Variants in NAV2 observed in about 807,000 individuals in gnomAD.
NAV2 encodes neuron navigator 2.
A neutral mutation model predicts 223.2 loss-of-function variants in NAV2; 54 were observed. That is an observed-to-expected ratio of 0.24 (90% CI 0.19 to 0.30). The LOEUF is 0.30. Ranked by LOEUF, NAV2 falls within the 10% of genes least tolerant of loss-of-function variation. The pLI, the probability that NAV2 is intolerant of heterozygous loss-of-function variation, is 1.00. For synonymous variants in NAV2, 1,279 were observed against 1,239.3 expected, an observed-to-expected ratio of 1.03 and a Z score of -0.67; for missense variants, 2,806 against 3,147.5, an observed-to-expected ratio of 0.89 and a Z score of 2.60.
At chr11:20,095,643 T>G (rs768265228) in intron 29 of NAV2, 29 bp from the exon 30 acceptor site, 10 of 1,522,100 alleles carry the variant, frequency 6.6e-6, no homozygotes, top group Non-Finnish European at 9.1e-6. Flanking sequence ...CCACCTGTTT[T>G]TCACCTGTGT....
chr11:20,106,474 C>T (rs763803080), intron 35 of NAV2, among the ~76,000 whole-genome samples: 9 of 138,370 alleles, frequency 6.5e-5, no homozygotes, highest in African/African-American at 1.1e-4. Context: ...GCAGGAGAAT[C>T]GCTTGAACCC....
chr11:19,651,847 A>G (rs962442726), intron 1 of NAV2, among the ~76,000 whole-genome samples: 2 of 152,236 alleles, frequency 1.3e-5, no homozygotes, highest in African/African-American at 4.8e-5. Flanking sequence ...CATAGCAAAG[A>G]CAGGGCAGAT....
intron 3 of NAV2, among the ~76,000 whole-genome samples, chr11:19,850,465 G>A (rs1353046634): frequency 6.6e-6 from 1 of 152,120 alleles, no homozygotes; most frequent in Non-Finnish European, 1.5e-5. Context: ...GGAGGGAGCT[G>A]GCCTGAATGT....
intron 1 of NAV2, among the ~76,000 whole-genome samples, chr11:19,831,492 C>T (rs2059940648): frequency 6.6e-6 from 1 of 152,002 alleles, no homozygotes; most frequent in Admixed American, 6.6e-5. Flanking sequence ...TCATTTGTTC[C>T]TATCCATTTG....
intron 5 of NAV2, chr11:19,884,412 G>C: frequency 6.8e-7 from 1 of 1,479,786 alleles, no homozygotes; most frequent in Non-Finnish European, 9.4e-7. Flanking sequence ...CCAACCCACT[G>C]TTCCATTGTT....
intron 1 of NAV2, among the ~76,000 whole-genome samples, chr11:19,383,562 G>A (rs554676402): frequency 2.0e-5 from 3 of 152,330 alleles, no homozygotes. Context: ...ACAGTAAAGA[G>A]AAGCTGAGAG....
chr11:19,550,457 G>A (rs1000550549), intron 1 of NAV2, among the ~76,000 whole-genome samples: 8 of 152,276 alleles, frequency 5.3e-5, no homozygotes, highest in Non-Finnish European at 1.0e-4. Context: ...TTTCCATTTC[G>A]TAGATGAGGC....
At chr11:19,935,851 G>GTTTTTTTTTGTTGTTTTTTT (rs2045810450) in intron 7 of NAV2, among the ~76,000 whole-genome samples, 1 of 52,704 alleles carries the variant, frequency 1.9e-5, no homozygotes, top group African/African-American at 7.3e-5. Flanking sequence ...TTTTGTTTCT[G>GTTTTTTTTTGTTGTTTTTTT]TTTTTTTTTT....
In NAV2 at chr11:20,101,115, A is replaced by G. The variant is rs142294382; in HGVS notation, c.6360A>G (p.Gly2120=). 162 of 1,614,140 alleles carry G rather than the reference A, an allele frequency of 1.0e-4. No individual in the cohort carries two copies. The African/African-American group carries it at 1.4e-3, about 14-fold the overall frequency. Reference sequence around the variant, plus strand: ...CTGAGTATATAGTGCTTCGAGAGGGACGGGAGTTGACAGACGGGGTTATCG... The same window carrying G: ...CTGAGTATATAGTGCTTCGAGAGGGGCGGGAGTTGACAGACGGGGTTATCG... ...RLSEYIVLRE[G]RELTDGVIAT... is the part of the protein sequence containing the mutation. The change falls in exon 32 of 38, where the codon GGA becomes GGG. Residue 2120 remains glycine (G), a synonymous_variant. Transcript: ENST00000349880.
intron 1 of NAV2, among the ~76,000 whole-genome samples, chr11:19,758,728 G>A (rs1007155362): frequency 2.7e-4 from 41 of 152,160 alleles, no homozygotes; most frequent in African/African-American, 9.9e-4. Flanking sequence ...ACTGACCTGG[G>A]GGATTGTGGG....
intron 1 of NAV2, among the ~76,000 whole-genome samples, chr11:19,461,539 G>A (rs4757000): frequency 0.61 from 92,628 of 151,954 alleles, 29,010 homozygotes; most frequent in Non-Finnish European, 0.7. Flanking sequence ...GATGATAGCT[G>A]CTGTTAATTG....
intron 1 of NAV2, among the ~76,000 whole-genome samples, chr11:19,385,954 C>T (rs888681705): frequency 1.3e-5 from 2 of 151,998 alleles, no homozygotes; most frequent in South Asian, 2.1e-4. Context: ...TTAGTAGAGA[C>T]GGGGTTTCAC....
chr11:19,649,686 T>C (rs1039266523), intron 1 of NAV2, among the ~76,000 whole-genome samples: 7 of 152,134 alleles, frequency 4.6e-5, no homozygotes, highest in Non-Finnish European at 1.0e-4. Flanking sequence ...TAGAGATTAG[T>C]TTTCAACATA....
chr11:19,594,817 A>G (rs1414229617), intron 1 of NAV2, among the ~76,000 whole-genome samples: 1 of 152,186 alleles, frequency 6.6e-6, no homozygotes. Context: ...AAAAATGGGG[A>G]CAATCACAGT....
chr11:19,475,498 T>C (rs749610727), intron 1 of NAV2, among the ~76,000 whole-genome samples: 2 of 152,152 alleles, frequency 1.3e-5, no homozygotes, highest in African/African-American at 2.4e-5. Flanking sequence ...AGGACAATGG[T>C]CTATTTTGTT....
chr11:19,784,614 G>A (rs2056976748), intron 1 of NAV2, among the ~76,000 whole-genome samples: 1 of 151,842 alleles, frequency 6.6e-6, no homozygotes, highest in Non-Finnish European at 1.5e-5. Context: ...TGTAAATTTT[G>A]GTCCTGTCTT....
chr11:19,409,847 G>C (rs1442654339), intron 1 of NAV2, among the ~76,000 whole-genome samples: 1 of 152,182 alleles, frequency 6.6e-6, no homozygotes, highest in Non-Finnish European at 1.5e-5. Flanking sequence ...CCCAGGTCTT[G>C]TTTGACACCA....
intron 1 of NAV2, among the ~76,000 whole-genome samples, chr11:19,831,979 T>C (rs1845769696): frequency 6.6e-6 from 1 of 152,250 alleles, no homozygotes; most frequent in East Asian, 1.9e-4. Flanking sequence ...TCTGTTTTCA[T>C]ACTTGGCTTC....
rs1184361936 is a variant in NAV2, at chr11:20,068,089, A to G, written c.4885-97A>G. 8 of 1,089,032 alleles carry G rather than the reference A, an allele frequency of 7.3e-6. No individual in the cohort carries two copies. In the African/African-American group the frequency reaches 1.3e-4, roughly 17 times the overall value. The allele number at this position is 1,089,032 out of a possible 1,614,324, so 67.5% of individuals were successfully genotyped here. A position where few individuals can be genotyped will look rare whatever the true frequency, so the allele number is the denominator to read the frequency against. ...GAAAAGAAACTAATAATTCTTCCAG[A>G]CTGCTGCAACCATCTGAATATGGTG... is the stretch of plus-strand genomic sequence containing the variant. On this transcript the variant is annotated intron_variant, in intron 20 of 37. Coordinates refer to ENST00000349880, the MANE Select transcript of NAV2 (RefSeq NM_145117.5).
Sources: gnomAD v4.1 joint callset for allele counts (sites outside exome capture counted in the v4.1 genomes callset) on GRCh38, gnomAD v4.1.1 for gene constraint, MANE v1.5 for transcripts, NCBI Gene and HGNC (gene_info 2026-07-23, HGNC 2026-07-21) for gene names.